Variants in RASA3 observed in about 807,000 individuals in gnomAD.
RASA3 encodes the protein ras GTPase-activating protein 3.
In RASA3, 73 loss-of-function variants were observed where a neutral mutation model predicts 110.0. The observed-to-expected ratio is 0.66, with a 90% CI of 0.55 to 0.81. The LOEUF (loss-of-function observed/expected upper bound fraction) is 0.81. Ranked by LOEUF, RASA3 falls within the 30% of genes least tolerant of loss-of-function variation. RASA3 has a pLI of 0.00. For missense variants in RASA3, 976 were observed against 1,113.2 expected (o/e 0.88, Z 1.75); for synonymous variants, 500 against 451.4 (o/e 1.11, Z -1.37).
rs754086411 is a variant in RASA3 at position 114,015,289 on chromosome 13, G to C, written c.1325C>G (p.Thr442Ser). ...QYVDRVFHAI[T>S]ESGVSCPTVM... ...GGTCGGGCAGCTCACCCCAGACTCA[G>C]TGATGGCGTGGAAGACGCGGTCCAC... The change falls in exon 14 of 24, where the codon ACT (threonine) becomes AGT (serine). Residue 442 changes from threonine to serine, a missense_variant. Coordinates refer to ENST00000334062, the MANE Select transcript of RASA3 (RefSeq NM_007368.4). The C allele has an allele frequency of 5.6e-6, 9 of 1,613,012 alleles. No individual in the cohort carries two copies. In the African/African-American group the frequency reaches 1.2e-4, roughly 22 times the overall value.
chr13:114,024,734 C>G (rs1376209406), intron 7 of RASA3, among the ~76,000 whole-genome samples: 1 of 152,370 alleles, frequency 6.6e-6, no homozygotes, highest in Admixed American at 6.5e-5. Flanking sequence ...ACGAAGCCAG[C>G]GCCGCCCTCC....
Position 114,015,205 on chromosome 13 carries a change from T to C in RASA3, c.1405+4A>G. The C allele has an allele frequency of 6.2e-7, 1 of 1,612,852 alleles. No individual in the cohort carries two copies. The highest frequency in any genetic ancestry group is 8.5e-7 in the Non-Finnish European group (1 of 1,179,934). On this transcript the variant is annotated splice_donor_region_variant and intron_variant, in intron 14 of 23. Coordinates refer to ENST00000334062, the MANE Select transcript of RASA3 (RefSeq NM_007368.4). ...AGCAACATGAGGGTGTTCAGGGCACTCACCCTGGAAGCGCTTGGCCGCCGC... is the reference window on the plus strand; with the variant it reads ...AGCAACATGAGGGTGTTCAGGGCACCCACCCTGGAAGCGCTTGGCCGCCGC...
intron 2 of RASA3, among the ~76,000 whole-genome samples, chr13:114,067,710 A>G (rs974410046): frequency 2.0e-5 from 3 of 152,118 alleles, no homozygotes; most frequent in Admixed American, 1.3e-4. Flanking sequence ...ACAAACACCC[A>G]CTGCGTGCAC....
chr13:114,124,522 C>CTGT (rs1179046910), intron 1 of RASA3, among the ~76,000 whole-genome samples: 8 of 152,354 alleles, frequency 5.3e-5, no homozygotes, highest in African/African-American at 1.9e-4. Context: ...ACGTTTGTAA[C>CTGT]TGTTCACTTT....
intron 1 of RASA3, among the ~76,000 whole-genome samples, chr13:114,076,315 C>G (rs1369401339): frequency 6.6e-6 from 1 of 152,222 alleles, no homozygotes; most frequent in Non-Finnish European, 1.5e-5. Flanking sequence ...AGGCACTGGA[C>G]CCTCAGAACA....
chr13:113,979,609 A>G (rs1188849903), intron 23 of RASA3, among the ~76,000 whole-genome samples, 187 bp from the exon 24 acceptor site: 5 of 152,124 alleles, frequency 3.3e-5, no homozygotes, highest in Non-Finnish European at 5.9e-5. Flanking sequence ...GTGTGTGCAC[A>G]GGTGGGTCAG....
chr13:114,069,465 G>A (rs1402242305), intron 2 of RASA3, among the ~76,000 whole-genome samples: 19 of 94,162 alleles, frequency 2.0e-4, no homozygotes, highest in East Asian at 6.2e-4. Context: ...TTGGGGGGCT[G>A]GGAGACTCGG....
intron 17 of RASA3, among the ~76,000 whole-genome samples, chr13:114,008,548 T>C (rs1263860370): frequency 3.1e-4 from 9 of 28,842 alleles, no homozygotes; most frequent in African/African-American, 3.1e-4. Flanking sequence ...GGGGCCTGGA[T>C]ATTCCCCCCA....
chr13:114,030,687 G>A (rs1212151637), intron 4 of RASA3, among the ~76,000 whole-genome samples: 1 of 152,070 alleles, frequency 6.6e-6, no homozygotes, highest in African/African-American at 2.4e-5. Flanking sequence ...CACGGCTGTG[G>A]GTGTGTGTCC....
rs2053249662 is a variant in RASA3 at position 113,996,087 on chromosome 13, GCCCGGCTGATGGGGA to G, written c.2141+429_2141+443del. On this transcript the variant is annotated intron_variant, in intron 21 of 23. Coordinates refer to ENST00000334062, the MANE Select transcript of RASA3 (RefSeq NM_007368.4). ...TGATGGGGGGCCCGGCTGATGGGGGGCCCGGCTGATGGGGACCCGGCTGATGGGGGGCCGGGAAGA... is the reference window on the plus strand; with the variant it reads ...TGATGGGGGGCCCGGCTGATGGGGGGCCCGGCTGATGGGGGGCCGGGAAGA... Among the ~76,000 whole-genome samples, 8 of 141,734 alleles carry G rather than the reference GCCCGGCTGATGGGGA, an allele frequency of 5.6e-5. No individual in the cohort carries two copies. In the South Asian group the frequency reaches 7.0e-4, roughly 12 times the overall value. 93.0% of individuals were successfully genotyped at this position (141,734 alleles called of 152,430 possible). A position where few individuals can be genotyped will look rare whatever the true frequency, so the allele number is the denominator to read the frequency against.
intron 1 of RASA3, among the ~76,000 whole-genome samples, chr13:114,117,274 AGGGGTG>A: frequency 1.2e-5 from 1 of 83,266 alleles, no homozygotes; most frequent in African/African-American, 4.0e-5. Flanking sequence ...CACGTGTGTG[AGGGGTG>A]CATGTGTGTG....
At position 114,112,900 on chromosome 13, in the gene RASA3, G is replaced by A. The variant is rs963875793; in HGVS notation, c.55+19535C>T. Among the ~76,000 whole-genome samples, 1 of 152,170 alleles carries A rather than the reference G, an allele frequency of 6.6e-6. No homozygotes were observed. Among genetic ancestry groups the A allele is most frequent in the African/African-American group, 2.4e-5 (1 of 41,456 alleles). On this transcript the variant is annotated intron_variant, in intron 1 of 23. Transcript: ENST00000334062. The surrounding 1 kb of genome is among the most constrained non-coding windows in gnomAD (Gnocchi z 4.8). Reference sequence around the variant, plus strand: ...AGAGAGTGAATGAGAGGCCAGCAGGGGGCTGGGAAGGTGCTTAGCTCAGGG... The same window carrying A: ...AGAGAGTGAATGAGAGGCCAGCAGGAGGCTGGGAAGGTGCTTAGCTCAGGG...
At chr13:114,017,925 CAA>C (rs11296653) in intron 11 of RASA3, among the ~76,000 whole-genome samples, 177 bp downstream of exon 11, 9 of 121,780 alleles carry the variant, frequency 7.4e-5, no homozygotes, top group African/African-American at 6.2e-5. Flanking sequence ...ATGGGACTTT[CAA>C]AAAAAAAAAA....
chr13:113,992,363 C>T (rs2053138895), intron 22 of RASA3, 122 bp downstream of exon 22: 4 of 697,768 alleles, frequency 5.7e-6, no homozygotes, highest in Non-Finnish European at 9.7e-6. Context: ...AAGACAACTA[C>T]ATGTAGCCCA....
chr13:113,995,053 C>T (rs781078132), intron 21 of RASA3, among the ~76,000 whole-genome samples: 10 of 152,352 alleles, frequency 6.6e-5, no homozygotes, highest in African/African-American at 1.2e-4. Context: ...GGGAGGCTCC[C>T]GAGCTGTCCG....
chr13:114,076,656 C>A (rs2139681733), intron 1 of RASA3, among the ~76,000 whole-genome samples: 1 of 152,312 alleles, frequency 6.6e-6, no homozygotes, highest in South Asian at 2.1e-4. Context: ...CGGCGAGCTT[C>A]TCCAGAGAGG....
chr13:114,108,898 C>T (rs2080177457), intron 1 of RASA3: 1 of 152,270 alleles, frequency 6.6e-6, no homozygotes, highest in Non-Finnish European at 1.5e-5. Context: ...GCAACACAGG[C>T]ATCCTGCAGT....
chr13:114,010,969 A>AG (rs1394607179), intron 16 of RASA3, among the ~76,000 whole-genome samples: 2 of 151,892 alleles, frequency 1.3e-5, no homozygotes, highest in Non-Finnish European at 2.9e-5. Flanking sequence ...GAAAAAGGCA[A>AG]GGGGTTCACT....
chr13:114,111,105 A>T lies in RASA3; in HGVS notation c.55+21330T>A, dbSNP rs112088928. Among the ~76,000 whole-genome samples the T allele has an allele frequency of 6.4e-3, 347 of 53,908 alleles. 11 individuals carry two copies. The highest frequency in any genetic ancestry group is 0.015 in the Middle Eastern group (1 of 68). The allele number at this position is 53,908 out of a possible 152,430, so 35.4% of individuals were successfully genotyped here. Reference sequence around the variant, plus strand: ...AGGCCGAGTTCTAACGGGCTGAGCCACAAAGAGCTGCAGGCCGAGTTCTAA... The same window carrying T: ...AGGCCGAGTTCTAACGGGCTGAGCCTCAAAGAGCTGCAGGCCGAGTTCTAA... On this transcript the variant is annotated intron_variant, in intron 1 of 23. Transcript: ENST00000334062.
Sources: allele counts gnomAD v4.1 joint callset (sites outside exome capture counted in the v4.1 genomes callset), GRCh38; gene constraint gnomAD v4.1.1; non-coding constraint Gnocchi (gnomAD v3.1); transcripts MANE v1.5; gene names NCBI Gene and HGNC (gene_info 2026-07-23, HGNC 2026-07-21).